FARS2: variants seen among roughly 807,000 people sequenced by gnomAD.
The protein encoded by FARS2 is phenylalanyl-tRNA synthetase 2, mitochondrial.
In FARS2, 40 loss-of-function variants were observed where a neutral mutation model predicts 46.4. The ratio of observed to expected loss-of-function variants is 0.86; its 90% CI spans 0.67 to 1.12. FARS2 has a LOEUF of 1.12. FARS2 is among the 50% of genes most tolerant of loss of function. FARS2 has a pLI of 0.00. For synonymous variants in FARS2, 234 were observed against 214.9 expected, an observed-to-expected ratio of 1.09 and a Z score of -0.78; for missense variants, 513 against 567.9, an observed-to-expected ratio of 0.90 and a Z score of 0.98.
intron 4 of FARS2, among the ~76,000 whole-genome samples, chr6:5,437,531 T>G (rs1023996798): frequency 6.6e-6 from 1 of 152,166 alleles, no homozygotes; most frequent in African/African-American, 2.4e-5. Flanking sequence ...GCCATATTAT[T>G]AGGTGCATAT....
At chr6:5,567,125 C>T (rs1403178760) in intron 5 of FARS2, among the ~76,000 whole-genome samples, 2 of 152,172 alleles carry the variant, frequency 1.3e-5, no homozygotes, top group Non-Finnish European at 2.9e-5. Flanking sequence ...TTTAATATTC[C>T]CACCAACAGT....
chr6:5,742,821 C>T (rs1032835028), intron 6 of FARS2, among the ~76,000 whole-genome samples: 66 of 152,018 alleles, frequency 4.3e-4, no homozygotes, highest in African/African-American at 1.4e-3. Context: ...CAAAGCAAAA[C>T]GACATAGTAT....
In FARS2 at chr6:5,593,283, A is replaced by T. The variant is rs150866881; in HGVS notation, c.1066-19886A>T. On this transcript the variant is annotated intron_variant, in intron 5 of 6. Coordinates refer to ENST00000274680, the MANE Select transcript of FARS2 (RefSeq NM_006567.5). ...TACCCCTATGGCTCCTCCATGAAGG[A>T]ACTGCACCTCCCGCCCCCACCGGCC... 4.3e-3 allele frequency among the ~76,000 whole-genome samples: 616 copies of T among 143,730 alleles called. 7 individuals are homozygous for T. The highest frequency in any genetic ancestry group is 6.0e-3 in the Non-Finnish European group (408 of 67,988). The allele number at this position is 143,730 out of a possible 152,430, so 94.3% of individuals were successfully genotyped here. A position where few individuals can be genotyped will look rare whatever the true frequency, so the allele number is the denominator to read the frequency against.
At chr6:5,358,399 G>T (rs1758074927) in intron 1 of FARS2, among the ~76,000 whole-genome samples, 1 of 152,016 alleles carries the variant, frequency 6.6e-6, no homozygotes, top group African/African-American at 2.4e-5. Flanking sequence ...GGAATATGTA[G>T]AGCTATAGTT....
At chr6:5,276,151 A>C (rs982993023) in intron 1 of FARS2, among the ~76,000 whole-genome samples, 3 of 152,220 alleles carry the variant, frequency 2.0e-5, no homozygotes, top group African/African-American at 7.2e-5. Flanking sequence ...GAGGTACTTT[A>C]AAATAAATTT....
rs758127974 is a variant in FARS2, at chr6:5,431,103, A to G, written c.835A>G (p.Ile279Val). 6.2e-6 allele frequency: 10 copies of G among 1,613,806 alleles called. No homozygotes were observed. Among genetic ancestry groups the G allele is most frequent in the African/African-American group, 4.0e-5 (3 of 74,894 alleles). ...TACACATCCTTCCTTTGAGATGGAG[A>G]TCAACTTTCATGGAGAATGGCTGGA... The part of the protein sequence containing the change: ...PFTHPSFEME[I>V]NFHGEWLEVL... Residue 279 changes from isoleucine to valine, a missense_variant, in exon 4 of 7, where the codon ATC (isoleucine) becomes GTC (valine). Physicochemically the swap from Ile to Val is conservative, Grantham distance 29. Transcript: ENST00000274680.
intron 4 of FARS2, among the ~76,000 whole-genome samples, chr6:5,472,209 C>T (rs565344813): frequency 1.3e-5 from 2 of 152,202 alleles, no homozygotes; most frequent in South Asian, 2.1e-4. Flanking sequence ...GCCTGTGGGC[C>T]GCATGTCACT....
chr6:5,651,027 G>A (rs1322511029), intron 6 of FARS2, among the ~76,000 whole-genome samples: 3 of 152,210 alleles, frequency 2.0e-5, no homozygotes, highest in East Asian at 3.8e-4. Flanking sequence ...TTGAACATAA[G>A]CTTTAACCTC....
At chr6:5,325,441 G>C (rs1311683981) in intron 1 of FARS2, among the ~76,000 whole-genome samples, 1 of 152,242 alleles carries the variant, frequency 6.6e-6, no homozygotes, top group Non-Finnish European at 1.5e-5. Context: ...GTGCTTTGCT[G>C]CCTGGGCTGC....
rs370870637 is a variant in FARS2, at chr6:5,284,458, G to C, written c.-22+22798G>C. 9.9e-5 allele frequency among the ~76,000 whole-genome samples: 15 copies of C among 152,212 alleles called. No individual in the cohort carries two copies. The South Asian group carries it at 1.2e-3, about 13-fold the overall frequency. ...ATAGATTTCCTATCTTGAATTATGG[G>C]GTGTGTGCCTGCAATCCACCACCTG... is the stretch of plus-strand genomic sequence containing the variant. On this transcript the variant is annotated intron_variant, in intron 1 of 6. Transcript: ENST00000274680.
chr6:5,731,885 A>C (rs1041930886), intron 6 of FARS2, among the ~76,000 whole-genome samples: 1 of 152,020 alleles, frequency 6.6e-6, no homozygotes, highest in Non-Finnish European at 1.5e-5. Flanking sequence ...TTATTCTTTC[A>C]TGTTTCATCT....
At chr6:5,696,367 C>T (rs1227300034) in intron 6 of FARS2, among the ~76,000 whole-genome samples, 1 of 152,138 alleles carries the variant, frequency 6.6e-6, no homozygotes, top group Non-Finnish European at 1.5e-5. Context: ...CTTTATACAG[C>T]TTGTCTCATT....
upstream of FARS2, among the ~76,000 whole-genome samples, chr6:5,258,659 C>T (rs549050329): frequency 2.0e-5 from 3 of 152,100 alleles, no homozygotes; most frequent in African/African-American, 7.2e-5. Flanking sequence ...GCAGGAATGT[C>T]GGTTTTTAGG....
At chr6:5,327,367 G>A (rs187344593) in intron 1 of FARS2, among the ~76,000 whole-genome samples, 103 of 152,214 alleles carry the variant, frequency 6.8e-4, no homozygotes, top group African/African-American at 2.5e-3. Context: ...TGATATGGTT[G>A]GGCTGTGTCC....
chr6:5,707,276 C>T (rs539001994), intron 6 of FARS2, among the ~76,000 whole-genome samples: 1 of 152,308 alleles, frequency 6.6e-6, no homozygotes, highest in South Asian at 2.1e-4. Context: ...AGTTGAGGAC[C>T]AACCATTATT....
intron 6 of FARS2, among the ~76,000 whole-genome samples, chr6:5,683,260 G>A (rs994950100): frequency 6.6e-6 from 1 of 152,210 alleles, no homozygotes; most frequent in Admixed American, 6.5e-5. Context: ...TCACTCTGAA[G>A]GCAGAATGCA....
At chr6:5,515,713 G>A (rs894333499) in intron 4 of FARS2, among the ~76,000 whole-genome samples, 2 of 152,178 alleles carry the variant, frequency 1.3e-5, no homozygotes, top group Non-Finnish European at 2.9e-5. Flanking sequence ...ATAGGTGTGA[G>A]TCACTGTGCC....
At chr6:5,516,823 C>A (rs888035062) in intron 4 of FARS2, among the ~76,000 whole-genome samples, 2 of 152,140 alleles carry the variant, frequency 1.3e-5, no homozygotes, top group Non-Finnish European at 1.5e-5. Context: ...AGGAACCCCC[C>A]CAATTTAAGT....
intron 6 of FARS2, among the ~76,000 whole-genome samples, chr6:5,726,544 C>T (rs547836810): frequency 9.2e-5 from 14 of 152,166 alleles, no homozygotes; most frequent in Non-Finnish European, 1.5e-4. Flanking sequence ...AGATGGGCAG[C>T]GCAGGAGCAC....
Sources: gnomAD v4.1 joint callset for allele counts (sites outside exome capture counted in the v4.1 genomes callset) on GRCh38, gnomAD v4.1.1 for gene constraint, MANE v1.5 for transcripts, NCBI Gene and HGNC (gene_info 2026-07-23, HGNC 2026-07-21) for gene names.